The following AGBL1 variants were observed in gnomAD, a reference collection of about 807,000 sequenced individuals.
AGBL1 encodes the protein AGBL carboxypeptidase 1.
In AGBL1, 130 loss-of-function variants were observed where a neutral mutation model predicts 118.9. The ratio of observed to expected loss-of-function variants is 1.09; its 90% confidence interval spans 0.95 to 1.26. The LOEUF (loss-of-function observed/expected upper bound fraction) is 1.26, where lower values mean the gene tolerates loss of function less well. Ranked by LOEUF, AGBL1 falls within the 50% of genes most tolerant of loss-of-function variation. AGBL1 has a pLI of 0.00. For missense variants in AGBL1, 1,584 were observed against 1,298.1 expected (o/e 1.22, Z -3.38); for synonymous variants, 555 against 478.9 (o/e 1.16, Z -2.08).
At chr15:86,610,863 A>G (rs1374009399) in intron 21 of AGBL1, among the ~76,000 whole-genome samples, 2 of 152,024 alleles carry the variant, frequency 1.3e-5, no homozygotes, top group African/African-American at 4.8e-5. Context: ...TGATATTCAC[A>G]CTGTCCTGTG....
intron 21 of AGBL1, among the ~76,000 whole-genome samples, chr15:86,626,127 T>C (rs116021886): frequency 0.032 from 4,849 of 152,206 alleles, 245 homozygotes; most frequent in African/African-American, 0.1. Context: ...AAGACAGAAA[T>C]ACCGTTCGAC....
chr15:86,669,801 T>G (rs1347331933), intron 21 of AGBL1, among the ~76,000 whole-genome samples: 2 of 152,180 alleles, frequency 1.3e-5, no homozygotes, highest in Admixed American at 1.3e-4. Flanking sequence ...ATGTTTACAT[T>G]TTCCTGGCAA....
chr15:86,343,689 T>G (rs2141886543), intron 17 of AGBL1, among the ~76,000 whole-genome samples: 1 of 152,220 alleles, frequency 6.6e-6, no homozygotes, highest in South Asian at 2.1e-4. Flanking sequence ...GCTTGGGAAA[T>G]TTTTCTTCTT....
At chr15:86,498,965 G>C (rs534605141) in intron 18 of AGBL1, among the ~76,000 whole-genome samples, 1 of 151,944 alleles carries the variant, frequency 6.6e-6, no homozygotes, top group African/African-American at 2.4e-5. Context: ...AATAGAAAAG[G>C]GGATTTGGTG....
intron 22 of AGBL1, among the ~76,000 whole-genome samples, chr15:86,809,160 C>G (rs538325888): frequency 6.6e-6 from 1 of 152,114 alleles, no homozygotes; most frequent in Admixed American, 6.6e-5. Context: ...GTGACAGATT[C>G]ATAATTCAAT....
intron 18 of AGBL1, among the ~76,000 whole-genome samples, chr15:86,508,647 G>C (rs2083013325): frequency 6.6e-6 from 1 of 151,906 alleles, no homozygotes; most frequent in South Asian, 2.1e-4. Context: ...TCTCAGAAAA[G>C]CCCTATATTG....
chr15:86,642,955 T>G (rs2447254), intron 21 of AGBL1, among the ~76,000 whole-genome samples: 99,197 of 152,048 alleles, frequency 0.65, 32,540 homozygotes, highest in African/African-American at 0.72. Flanking sequence ...GGATGGTAAA[T>G]AGGTAGAGCG....
intron 5 of AGBL1, among the ~76,000 whole-genome samples, chr15:86,221,646 C>G (rs891570111): frequency 6.6e-6 from 1 of 152,062 alleles, no homozygotes; most frequent in Non-Finnish European, 1.5e-5. Context: ...CTTGGCACTG[C>G]GTATGGGAGA....
chr15:87,005,914 T>G (rs2141770671), intron 24 of AGBL1, among the ~76,000 whole-genome samples: 1 of 152,344 alleles, frequency 6.6e-6, no homozygotes, highest in South Asian at 2.1e-4. Flanking sequence ...CTTTTAACAC[T>G]CAGGACCCTC....
intron 17 of AGBL1, among the ~76,000 whole-genome samples, chr15:86,356,709 A>G (rs1202749061): frequency 6.6e-6 from 1 of 152,132 alleles, no homozygotes; most frequent in East Asian, 1.9e-4. Context: ...AAGTTTTTTG[A>G]GTTAGAGCAA....
chr15:86,282,540 G>A (rs1432265289), intron 16 of AGBL1, among the ~76,000 whole-genome samples: 4 of 152,148 alleles, frequency 2.6e-5, no homozygotes, highest in Non-Finnish European at 2.9e-5. Context: ...TGACAAATGT[G>A]TATTCTCAAT....
intron 7 of AGBL1, among the ~76,000 whole-genome samples, chr15:86,254,041 A>G (rs148453739): frequency 1.6e-3 from 238 of 152,318 alleles, no homozygotes; most frequent in African/African-American, 5.5e-3. Context: ...TTGGCTACAT[A>G]GAAGCAGAGC....
chr15:86,908,927 T>C lies in AGBL1; in HGVS notation c.*1633T>C, dbSNP rs1030796551. 2.6e-5 allele frequency: 4 copies of C among 152,234 alleles called. No homozygotes were observed. The highest frequency in any genetic ancestry group is 4.4e-5 in the Non-Finnish European group (3 of 68,048). 9.4% of individuals were successfully genotyped at this position (152,234 alleles called of 1,614,324 possible). On this transcript the variant is annotated 3_prime_UTR_variant, in exon 23 of 23. Coordinates refer to ENST00000614907, the MANE Select transcript of AGBL1 (RefSeq NM_001386094.1). ...CTCTTTCCTGTGGAATTTTACACAC[T>C]GGAAGACCAGTCCTAGTGTCATGGC... is the stretch of plus-strand genomic sequence containing the variant.
intron 24 of AGBL1, among the ~76,000 whole-genome samples, chr15:87,009,588 A>G (rs1460804185): frequency 6.6e-6 from 1 of 152,136 alleles, no homozygotes; most frequent in Non-Finnish European, 1.5e-5. Flanking sequence ...AGCCCCCAGA[A>G]CGATAAATCC....
chr15:86,699,913 CTGA>C (rs2142639320), intron 22 of AGBL1, among the ~76,000 whole-genome samples: 1 of 152,182 alleles, frequency 6.6e-6, no homozygotes, highest in East Asian at 1.9e-4. Flanking sequence ...TTAGCATCCA[CTGA>C]TGATTCTTTT....
At chr15:86,973,985 C>T (rs1596693536) in intron 23 of AGBL1, among the ~76,000 whole-genome samples, 1 of 135,920 alleles carries the variant, frequency 7.4e-6, no homozygotes, top group African/African-American at 2.7e-5. Flanking sequence ...TAAATATAAA[C>T]ATATTTAATA....
intron 7 of AGBL1, among the ~76,000 whole-genome samples, chr15:86,256,387 A>T (rs1469605124): frequency 1.3e-5 from 2 of 152,200 alleles, no homozygotes; most frequent in African/African-American, 2.4e-5. Context: ...TTTTTAAAAA[A>T]TATTTTTCTC....
At chr15:86,090,974 A>G (rs1044545752) in intron 1 of AGBL1, among the ~76,000 whole-genome samples, 4 of 152,168 alleles carry the variant, frequency 2.6e-5, no homozygotes, top group Non-Finnish European at 5.9e-5. Flanking sequence ...CAATGATAAC[A>G]TTTGAAAGTT....
intron 21 of AGBL1, among the ~76,000 whole-genome samples, chr15:86,572,880 A>C (rs1226656398): frequency 2.0e-5 from 3 of 152,252 alleles, no homozygotes; most frequent in Non-Finnish European, 4.4e-5. Context: ...TCTCACTGTA[A>C]GAGGCCAATG....
Sources: gnomAD v4.1 joint callset for allele counts (sites outside exome capture counted in the v4.1 genomes callset) on GRCh38, gnomAD v4.1.1 for gene constraint, MANE v1.5 for transcripts, NCBI Gene and HGNC (gene_info 2026-07-23, HGNC 2026-07-21) for gene names.